Variants in FRMD4A observed in about 807,000 individuals in gnomAD.
FRMD4A encodes FERM domain containing 4A, also known as FERM domain-containing protein 4A.
In FRMD4A, 29 loss-of-function variants were observed where a neutral mutation model predicts 129.1. That is an observed-to-expected ratio of 0.22 (90% CI 0.17 to 0.31). FRMD4A has a LOEUF of 0.31. FRMD4A is among the 10% of genes least tolerant of loss of function. The pLI is 1.00. For synonymous variants in FRMD4A, 634 were observed against 571.6 expected (o/e 1.11, Z -1.56); for missense variants, 1,272 against 1,375.8 (o/e 0.92, Z 1.19).
At chr10:14,126,594 T>A (rs2131819373) in intron 2 of FRMD4A, among the ~76,000 whole-genome samples, 1 of 152,160 alleles carries the variant, frequency 6.6e-6, no homozygotes, top group Admixed American at 6.5e-5. Flanking sequence ...CCTGCTAACC[T>A]CCAAGCACCT....
Position 14,112,935 on chromosome 10 carries a change from A to G in FRMD4A, c.45+217123T>C, listed in dbSNP as rs577156589. Among the ~76,000 whole-genome samples the G allele has an allele frequency of 3.3e-4, 50 of 152,320 alleles. No homozygotes were observed. The South Asian group carries it at 1.0e-2, about 30-fold the overall frequency. Reference sequence around the variant, plus strand: ...AATTACAGTGACAGACAAAGAGGTTATTAAATAATGGCTCGGTGTAAGTGT... The same window carrying G: ...AATTACAGTGACAGACAAAGAGGTTGTTAAATAATGGCTCGGTGTAAGTGT... On this transcript the variant is annotated intron_variant, in intron 2 of 24. Transcript: ENST00000357447.
chr10:14,281,842 G>A (rs1205411883), intron 2 of FRMD4A, among the ~76,000 whole-genome samples: 1 of 152,178 alleles, frequency 6.6e-6, no homozygotes, highest in African/African-American at 2.4e-5. Context: ...CTCAAACAGG[G>A]ATGTGTAGTA....
At chr10:14,172,057 G>T (rs1841504180) in intron 2 of FRMD4A, among the ~76,000 whole-genome samples, 1 of 152,164 alleles carries the variant, frequency 6.6e-6, no homozygotes, top group Non-Finnish European at 1.5e-5. Flanking sequence ...TTCTCCTCTT[G>T]CCCAGTCAGG....
chr10:13,998,230 G>C (rs1328497796), intron 2 of FRMD4A, among the ~76,000 whole-genome samples: 1 of 152,174 alleles, frequency 6.6e-6, no homozygotes, highest in East Asian at 1.9e-4. Context: ...GTATACTGGA[G>C]AATGTGTAAC....
At chr10:14,303,575 C>T (rs925028491) in intron 2 of FRMD4A, among the ~76,000 whole-genome samples, 1 of 152,200 alleles carries the variant, frequency 6.6e-6, no homozygotes, top group Admixed American at 6.5e-5. Context: ...CTGGGGTAGG[C>T]AGAAGATTAC....
chr10:13,853,459 GC>G (rs1217917792), intron 3 of FRMD4A, among the ~76,000 whole-genome samples: 1 of 152,100 alleles, frequency 6.6e-6, no homozygotes, highest in Non-Finnish European at 1.5e-5. Context: ...GATCACTTGA[GC>G]CCAGAAGGTT....
intron 2 of FRMD4A, among the ~76,000 whole-genome samples, chr10:14,308,923 A>G (rs552463659): frequency 6.6e-6 from 1 of 152,366 alleles, no homozygotes; most frequent in African/African-American, 2.4e-5. Context: ...GGGAACGACT[A>G]TGAAAATTCA....
chr10:13,925,193 A>T (rs2095117549), intron 2 of FRMD4A, among the ~76,000 whole-genome samples: 1 of 152,076 alleles, frequency 6.6e-6, no homozygotes, highest in African/African-American at 2.4e-5. Flanking sequence ...AAGAGATATC[A>T]CAGGGATGGT....
At chr10:13,920,365 A>T (rs1008030121) in intron 2 of FRMD4A, among the ~76,000 whole-genome samples, 1 of 152,204 alleles carries the variant, frequency 6.6e-6, no homozygotes. Context: ...AGGTTCTTGA[A>T]CTGAATGCCT....
intron 2 of FRMD4A, among the ~76,000 whole-genome samples, chr10:14,171,739 A>G (rs1841487538): frequency 6.6e-6 from 1 of 152,184 alleles, no homozygotes; most frequent in African/African-American, 2.4e-5. Context: ...ATTTACCTCA[A>G]TGCTTGCTTT....
intron 3 of FRMD4A, among the ~76,000 whole-genome samples, chr10:13,855,119 T>C (rs2094195193): frequency 6.6e-6 from 1 of 152,194 alleles, no homozygotes; most frequent in Non-Finnish European, 1.5e-5. Context: ...AATCTCAAAG[T>C]GCTATATGGA....
intron 2 of FRMD4A, among the ~76,000 whole-genome samples, chr10:14,260,329 C>G (rs1844758100): frequency 6.6e-6 from 1 of 152,198 alleles, no homozygotes; most frequent in Non-Finnish European, 1.5e-5. Context: ...TTAGTTCCCA[C>G]AAGCAAAACT....
At chr10:14,007,606 C>T (rs1364396582) in intron 2 of FRMD4A, 1 of 153,550 alleles carries the variant, frequency 6.5e-6, no homozygotes, top group African/African-American at 2.4e-5. Context: ...ATTTAAACTA[C>T]CAAAGCTTTG....
chr10:14,263,111 C>T (rs959244529), intron 2 of FRMD4A, among the ~76,000 whole-genome samples: 1 of 152,182 alleles, frequency 6.6e-6, no homozygotes, highest in Non-Finnish European at 1.5e-5. Context: ...GTGCGATATT[C>T]CAATGACAGT....
At chr10:14,088,215 G>A (rs1836408380) in intron 2 of FRMD4A, among the ~76,000 whole-genome samples, 1 of 152,124 alleles carries the variant, frequency 6.6e-6, no homozygotes, top group African/African-American at 2.4e-5. Context: ...GGGAGGCTGA[G>A]GTAAGAGGAA....
At chr10:13,882,334 C>G (rs2094556972) in intron 2 of FRMD4A, among the ~76,000 whole-genome samples, 1 of 152,138 alleles carries the variant, frequency 6.6e-6, no homozygotes, top group African/African-American at 2.4e-5. Flanking sequence ...GAAAGATTAG[C>G]TGAAGAACAG....
chr10:14,021,032 T>C (rs772820926), intron 2 of FRMD4A, among the ~76,000 whole-genome samples: 1 of 152,124 alleles, frequency 6.6e-6, no homozygotes, highest in Non-Finnish European at 1.5e-5. Context: ...TTCACCATGA[T>C]CCTGTAAGCC....
At position 14,010,789 on chromosome 10, in the gene FRMD4A, C is replaced by A. The variant is rs907999450; in HGVS notation, c.46-151877G>T. 9.3e-5 allele frequency among the ~76,000 whole-genome samples: 14 copies of A among 150,196 alleles called. No homozygotes were observed. In the Admixed American group the frequency reaches 9.4e-4, roughly 10 times the overall value. On this transcript the variant is annotated intron_variant, in intron 2 of 24. Coordinates refer to ENST00000357447, the MANE Select transcript of FRMD4A (RefSeq NM_018027.5). ...CCCCCCAAAGTGCTAGGATTACAGG[C>A]ATGAGCCACCATGCCTGGCCAAGTA...
intron 8 of FRMD4A, among the ~76,000 whole-genome samples, chr10:13,751,851 A>G (rs1369296625): frequency 6.6e-6 from 1 of 152,056 alleles, no homozygotes; most frequent in Non-Finnish European, 1.5e-5. Flanking sequence ...TCTCTTTAAA[A>G]ATAAAAATAT....
Sources: gnomAD v4.1 joint callset for allele counts (sites outside exome capture counted in the v4.1 genomes callset) on GRCh38, gnomAD v4.1.1 for gene constraint, MANE v1.5 for transcripts, NCBI Gene and HGNC (gene_info 2026-07-23, HGNC 2026-07-21) for gene names.